RELN: variants seen among roughly 807,000 people sequenced by gnomAD.
RELN encodes the protein reelin.
In RELN, 108 loss-of-function variants were observed where a neutral mutation model predicts 427.6. The ratio of observed to expected loss-of-function variants is 0.25; its 90% confidence interval spans 0.22 to 0.30. The LOEUF is 0.30. Among genes scored for constraint, RELN ranks in the 10% least tolerant of loss-of-function variants. The pLI is 1.00. For synonymous variants in RELN, 1,524 were observed against 1,513.4 expected (o/e 1.01, Z -0.16); for missense variants, 3,715 against 4,302.8 (o/e 0.86, Z 3.82).
At chr7:103,738,768 C>G (rs1368706840) in intron 6 of RELN, among the ~76,000 whole-genome samples, 2 of 149,434 alleles carry the variant, frequency 1.3e-5, no homozygotes, top group East Asian at 2.0e-4. Flanking sequence ...CTGCAACCTC[C>G]GCCTCCTGGG....
intron 2 of RELN, among the ~76,000 whole-genome samples, chr7:103,871,730 G>A (rs530321554): frequency 3.9e-5 from 6 of 152,040 alleles, no homozygotes; most frequent in South Asian, 2.1e-4. Flanking sequence ...AAGAGAATAC[G>A]ATGAGAGAGA....
intron 1 of RELN, among the ~76,000 whole-genome samples, chr7:103,946,293 C>T (rs186476364): frequency 6.6e-6 from 1 of 152,038 alleles, no homozygotes; most frequent in Non-Finnish European, 1.5e-5. Context: ...CAAACTTAAC[C>T]TCAACTACAA....
At chr7:103,601,992 T>G (rs1161981066) in intron 24 of RELN, among the ~76,000 whole-genome samples, 5 of 152,032 alleles carry the variant, frequency 3.3e-5, no homozygotes, top group African/African-American at 4.8e-5. Flanking sequence ...CAAGTCAGAG[T>G]AGGACCTGCG....
intron 3 of RELN, among the ~76,000 whole-genome samples, chr7:103,806,853 TTCCTA>T (rs537400451): frequency 1.1e-4 from 17 of 152,190 alleles, no homozygotes; most frequent in Non-Finnish European, 2.4e-4. Context: ...AGCCTCTTCC[TTCCTA>T]TCCTAATATC....
At chr7:103,885,971 T>C (rs3914128) in intron 2 of RELN, among the ~76,000 whole-genome samples, 57,552 of 151,984 alleles carry the variant, frequency 0.38, 11,338 homozygotes, top group South Asian at 0.64. Context: ...GTGATTATTT[T>C]AATCACCATT....
intron 1 of RELN, among the ~76,000 whole-genome samples, chr7:103,959,940 A>T (rs1796513095): frequency 6.6e-6 from 1 of 152,086 alleles, no homozygotes; most frequent in Non-Finnish European, 1.5e-5. Flanking sequence ...AACAAATTCA[A>T]ATCTGACATC....
Position 103,909,741 on chromosome 7 carries a change from ATAAATAT to A in RELN, c.337+7327_337+7333del, listed in dbSNP as rs1795308850. ...ATATTAAATATATTTTTTAATATAT[ATAAATAT>A]ATATATTAAATATATATATTTAATA... On this transcript the variant is annotated intron_variant, in intron 2 of 64. Coordinates refer to ENST00000428762, the MANE Select transcript of RELN (RefSeq NM_005045.4). 2.3e-4 allele frequency among the ~76,000 whole-genome samples: 6 copies of A among 26,594 alleles called. 2 individuals are homozygous for A. Among genetic ancestry groups the A allele is most frequent in the African/African-American group, 9.7e-4 (6 of 6,154 alleles). The allele number at this position is 26,594 out of a possible 152,430, so 17.4% of individuals were successfully genotyped here. A position where few individuals can be genotyped will look rare whatever the true frequency, so the allele number is the denominator to read the frequency against.
intron 2 of RELN, among the ~76,000 whole-genome samples, chr7:103,896,676 C>A (rs999515631): frequency 1.3e-5 from 2 of 151,970 alleles, no homozygotes; most frequent in African/African-American, 4.8e-5. Flanking sequence ...TGGGGTTACA[C>A]AGGCGTGTAC....
chr7:103,915,887 G>A lies in RELN; in HGVS notation c.337+1188C>T, dbSNP rs114060546. Among the ~76,000 whole-genome samples, 1,381 of 152,222 alleles carry A rather than the reference G, an allele frequency of 9.1e-3. 18 individuals are homozygous for A. The highest frequency in any genetic ancestry group is 0.031 in the African/African-American group (1,282 of 41,532). On this transcript the variant is annotated intron_variant, in intron 2 of 64. Transcript: ENST00000428762. ...ACTTATATACATATGACTATGACCT[G>A]ACCCTTCCTCTCTGCAGAGCAGAAA...
chr7:103,890,318 A>G (rs1180717098), intron 2 of RELN, among the ~76,000 whole-genome samples: 1 of 151,962 alleles, frequency 6.6e-6, no homozygotes, highest in Non-Finnish European at 1.5e-5. Flanking sequence ...GATTCACACT[A>G]TAACAGGTGT....
chr7:103,485,643 TC>T (rs1396591911), intron 61 of RELN, among the ~76,000 whole-genome samples: 5 of 152,154 alleles, frequency 3.3e-5, no homozygotes, highest in African/African-American at 1.2e-4. Context: ...GTCAGTCACT[TC>T]CCTAGTCCAT....
chr7:103,883,944 G>T (rs1009376789), intron 2 of RELN, among the ~76,000 whole-genome samples: 1 of 152,004 alleles, frequency 6.6e-6, no homozygotes, highest in South Asian at 2.1e-4. Context: ...TTAAATTTCA[G>T]ATGGAACCAA....
chr7:103,729,113 C>G (rs1406360004), intron 6 of RELN, among the ~76,000 whole-genome samples: 1 of 152,060 alleles, frequency 6.6e-6, no homozygotes, highest in Admixed American at 6.6e-5. Context: ...TCATTACATT[C>G]CTAACATGTA....
chr7:103,975,646 C>T (rs958398580), intron 1 of RELN, among the ~76,000 whole-genome samples: 7 of 151,294 alleles, frequency 4.6e-5, no homozygotes, highest in African/African-American at 9.7e-5. Flanking sequence ...CCCGGGTTCA[C>T]GCCATTCTCC....
intron 3 of RELN, among the ~76,000 whole-genome samples, chr7:103,780,285 A>G (rs973257207): frequency 6.6e-6 from 1 of 152,226 alleles, no homozygotes; most frequent in African/African-American, 2.4e-5. Context: ...ATCTAAGACA[A>G]GATACATTAA....
At chr7:103,782,438 G>C (rs564451901) in intron 3 of RELN, among the ~76,000 whole-genome samples, 1 of 152,076 alleles carries the variant, frequency 6.6e-6, no homozygotes, top group African/African-American at 2.4e-5. Context: ...CTCCCTATCT[G>C]AGGATAGGGA....
intron 7 of RELN, among the ~76,000 whole-genome samples, chr7:103,723,719 G>C (rs916993122): frequency 1.3e-5 from 2 of 152,140 alleles, no homozygotes; most frequent in African/African-American, 4.8e-5. Flanking sequence ...GTCTAAAATT[G>C]ACTGTAATAA....
chr7:103,914,129 G>C (rs139478195), intron 2 of RELN, among the ~76,000 whole-genome samples: 2 of 152,216 alleles, frequency 1.3e-5, no homozygotes, highest in African/African-American at 4.8e-5. Context: ...GTTACCATAG[G>C]AAATGTCTTG....
In RELN at chr7:103,968,458, T is replaced by C. The variant is rs1304233534; in HGVS notation, c.226+20673A>G. ...GGCACCATGCGTTGCTACTGAGGAC[T>C]AACTGGTGGCCTATGAGAAATTAGG... On this transcript the variant is annotated intron_variant, in intron 1 of 64. Coordinates refer to ENST00000428762, the MANE Select transcript of RELN (RefSeq NM_005045.4). This position sits in a 1 kb window ranked among gnomAD's most constrained non-coding sequence, Gnocchi z 4.3. 6.6e-6 allele frequency among the ~76,000 whole-genome samples: 1 copy of C among 152,072 alleles called. No homozygotes were observed. The highest frequency in any genetic ancestry group is 1.9e-4 in the East Asian group (1 of 5,190).
Sources: allele counts gnomAD v4.1 joint callset (sites outside exome capture counted in the v4.1 genomes callset), GRCh38; gene constraint gnomAD v4.1.1; non-coding constraint Gnocchi (gnomAD v3.1); transcripts MANE v1.5; gene names NCBI Gene and HGNC (gene_info 2026-07-23, HGNC 2026-07-21).